DLGAP1: variants seen among roughly 807,000 people sequenced by gnomAD.
The protein encoded by DLGAP1 is disks large-associated protein 1.
Under a neutral mutation model 90.8 loss-of-function variants are expected in DLGAP1, and 11 were observed. The ratio of observed to expected loss-of-function variants is 0.12; its 90% CI spans 0.08 to 0.20. The LOEUF (loss-of-function observed/expected upper bound fraction) is 0.20. Among genes scored for constraint, DLGAP1 ranks in the 10% least tolerant of loss-of-function variants. The pLI is 1.00. For synonymous variants in DLGAP1, 558 were observed against 540.7 expected (o/e 1.03, Z -0.44); for missense variants, 1,050 against 1,333.8 (o/e 0.79, Z 3.31).
At chr18:3,911,971 A>C (rs2072044936) in intron 3 of DLGAP1, among the ~76,000 whole-genome samples, 1 of 152,208 alleles carries the variant, frequency 6.6e-6, no homozygotes, top group South Asian at 2.1e-4. Flanking sequence ...GCTTGTTAGA[A>C]TGCAAATTCT....
chr18:3,611,200 A>G (rs564086547), intron 7 of DLGAP1, among the ~76,000 whole-genome samples: 4 of 152,110 alleles, frequency 2.6e-5, no homozygotes, highest in South Asian at 4.2e-4. Context: ...GACTCAAATT[A>G]TCAAGGCTTC....
At chr18:3,737,263 T>G (rs1396402177) in intron 6 of DLGAP1, among the ~76,000 whole-genome samples, 1 of 152,168 alleles carries the variant, frequency 6.6e-6, no homozygotes, top group East Asian at 1.9e-4. Flanking sequence ...CCTCCCTAAC[T>G]CATTTGATGA....
chr18:3,631,166 T>G (rs1023523831), intron 7 of DLGAP1, among the ~76,000 whole-genome samples: 1 of 151,120 alleles, frequency 6.6e-6, no homozygotes, highest in African/African-American at 2.4e-5. Flanking sequence ...TTTTTTTAAG[T>G]AGAGATGGGG....
chr18:4,039,283 G>C (rs910096172), intron 2 of DLGAP1, among the ~76,000 whole-genome samples: 41 of 152,128 alleles, frequency 2.7e-4, no homozygotes, highest in Non-Finnish European at 5.9e-5. Context: ...CCTCTGTACA[G>C]CCTGACACAG....
At chr18:4,059,063 A>C (rs750297372) in intron 2 of DLGAP1, among the ~76,000 whole-genome samples, 2 of 152,170 alleles carry the variant, frequency 1.3e-5, no homozygotes, top group Non-Finnish European at 2.9e-5. Flanking sequence ...AGGGGTACAC[A>C]GGTAAGGGCA....
At chr18:4,204,048 A>G (rs17657040) in intron 1 of DLGAP1, among the ~76,000 whole-genome samples, 31,475 of 152,174 alleles carry the variant, frequency 0.21, 3,944 homozygotes, top group South Asian at 0.32. Flanking sequence ...ATAATTTTAA[A>G]TCTGGTTGAC....
intron 4 of DLGAP1, among the ~76,000 whole-genome samples, chr18:3,866,399 T>C (rs1277560158): frequency 6.6e-6 from 1 of 152,194 alleles, no homozygotes. Context: ...AACTCTTTCT[T>C]AGACAGCTTA....
chr18:3,651,649 C>G lies in DLGAP1; in HGVS notation c.1592-69401G>C, dbSNP rs1201866667. On this transcript the variant is annotated intron_variant, in intron 7 of 12. Transcript: ENST00000315677. ...CTCCACTAAAAATACAAAAATTAAG[C>G]CGGGTGCAGTGGTTCACGCCTGTAA... Among the ~76,000 whole-genome samples, 5 of 151,922 alleles carry G rather than the reference C, an allele frequency of 3.3e-5. No individual in the cohort carries two copies. The East Asian group carries it at 9.7e-4, about 29-fold the overall frequency.
At position 3,554,194 on chromosome 18, in the gene DLGAP1, G is replaced by A. The variant is rs2053626555; in HGVS notation, c.2057+13296C>T. ...TTCCTGGGGACCATCAAAAGGATGAGAGACAATTGGGACATGATGCTGGAG... is the reference window on the plus strand; with the variant it reads ...TTCCTGGGGACCATCAAAAGGATGAAAGACAATTGGGACATGATGCTGGAG... On this transcript the variant is annotated intron_variant, in intron 9 of 12. Coordinates refer to ENST00000315677, the MANE Select transcript of DLGAP1 (RefSeq NM_004746.4). 1.4e-4 allele frequency among the ~76,000 whole-genome samples: 22 copies of A among 152,260 alleles called. No homozygotes were observed. The South Asian group carries it at 4.4e-3, about 30-fold the overall frequency.
chr18:3,670,517 C>T (rs2060050110), intron 7 of DLGAP1, among the ~76,000 whole-genome samples: 3 of 152,196 alleles, frequency 2.0e-5, no homozygotes, highest in Non-Finnish European at 4.4e-5. Flanking sequence ...TAAATCTTTA[C>T]ATGAGTGTAA....
intron 1 of DLGAP1, among the ~76,000 whole-genome samples, chr18:4,203,265 T>TTAAAA (rs1234492937): frequency 8.4e-4 from 107 of 128,140 alleles, no homozygotes; most frequent in African/African-American, 2.5e-3. Context: ...ACAGAGAGAT[T>TTAAAA]AAAAAAAAAA....
At chr18:3,606,632 A>G (rs571491597) in intron 7 of DLGAP1, 1 of 152,260 alleles carries the variant, frequency 6.6e-6, no homozygotes, top group South Asian at 2.1e-4. Flanking sequence ...AACTATACCA[A>G]ATTACTATGT....
At chr18:4,354,783 T>A (rs1018498447) in intron 1 of DLGAP1, among the ~76,000 whole-genome samples, 3 of 148,960 alleles carry the variant, frequency 2.0e-5, no homozygotes, top group Non-Finnish European at 3.0e-5. Context: ...CAACAGCCAC[T>A]CATTATTGTT....
intron 1 of DLGAP1, among the ~76,000 whole-genome samples, chr18:4,154,069 G>A (rs115271367): frequency 2.1e-3 from 317 of 151,980 alleles, no homozygotes; most frequent in African/African-American, 7.2e-3. Context: ...TCATGTATCC[G>A]TAAGAGATAA....
chr18:4,149,890 T>C (rs2076646026), intron 2 of DLGAP1, among the ~76,000 whole-genome samples: 1 of 152,106 alleles, frequency 6.6e-6, no homozygotes, highest in Admixed American at 6.5e-5. Context: ...ACTAAGTGTC[T>C]TTCTGCTTTC....
intron 1 of DLGAP1, among the ~76,000 whole-genome samples, chr18:4,366,900 TA>T (rs1234068779): frequency 1.4e-5 from 2 of 145,974 alleles, no homozygotes; most frequent in Non-Finnish European, 3.0e-5. Flanking sequence ...TAATTACATA[TA>T]GGCAAATTAC....
rs139304476 is a variant in DLGAP1 at position 4,109,148 on chromosome 18, T to C, written c.-159+42032A>G. Among the ~76,000 whole-genome samples the C allele has an allele frequency of 7.7e-4, 104 of 135,810 alleles. No homozygotes were observed. The East Asian group carries it at 0.017, about 23-fold the overall frequency. 89.1% of individuals were successfully genotyped at this position (135,810 alleles called of 152,430 possible). A position where few individuals can be genotyped will look rare whatever the true frequency, so the allele number is the denominator to read the frequency against. ...CCAGGTCCAGCTTGTAACTGATATC[T>C]GGTGCCATCCGCAACTGGCACTCGG... On this transcript the variant is annotated intron_variant, in intron 2 of 12. Transcript: ENST00000315677.
chr18:4,182,579 T>C (rs1333341951), intron 1 of DLGAP1, among the ~76,000 whole-genome samples: 1 of 152,156 alleles, frequency 6.6e-6, no homozygotes, highest in Non-Finnish European at 1.5e-5. Flanking sequence ...AGCCACCTCT[T>C]TGAAAATTAC....
Position 3,936,986 on chromosome 18 carries a change from A to G in DLGAP1, c.-72-56846T>C, listed in dbSNP as rs73940348. On this transcript the variant is annotated intron_variant, in intron 3 of 12. Coordinates refer to ENST00000315677, the MANE Select transcript of DLGAP1 (RefSeq NM_004746.4). Reference sequence around the variant, plus strand: ...TGCTCCTTGGCTCTTATTTAAAACCAGTTTGCAGAGAACTAATGGAGGAGC... The same window carrying G: ...TGCTCCTTGGCTCTTATTTAAAACCGGTTTGCAGAGAACTAATGGAGGAGC... Among the ~76,000 whole-genome samples the G allele has an allele frequency of 1.8e-3, 271 of 152,304 alleles. 1 individual carries two copies. The highest frequency in any genetic ancestry group is 6.0e-3 in the African/African-American group (251 of 41,550).
Sources: gnomAD v4.1 joint callset for allele counts (sites outside exome capture counted in the v4.1 genomes callset) on GRCh38, gnomAD v4.1.1 for gene constraint, MANE v1.5 for transcripts, NCBI Gene and HGNC (gene_info 2026-07-23, HGNC 2026-07-21) for gene names.